Variants in AHNAK observed in about 807,000 individuals in gnomAD.
The protein encoded by AHNAK is neuroblast differentiation-associated protein AHNAK.
Under a neutral mutation model 37.8 loss-of-function variants are expected in AHNAK, and 23 were observed. The observed-to-expected ratio is 0.61, with a 90% confidence interval of 0.44 to 0.86. The LOEUF is 0.86. Among genes scored for constraint, AHNAK ranks in the 40% least tolerant of loss-of-function variants. AHNAK has a pLI of 0.00. For synonymous variants in AHNAK, 2,481 were observed against 2,636.3 expected, an observed-to-expected ratio of 0.94 and a Z score of 1.80; for missense variants, 7,411 against 7,319.4, an observed-to-expected ratio of 1.01 and a Z score of -0.46.
At chr11:62,509,046 T>C (rs1294607679) in intron 4 of AHNAK, among the ~76,000 whole-genome samples, 1 of 152,170 alleles carries the variant, frequency 6.6e-6, no homozygotes, top group Non-Finnish European at 1.5e-5. Context: ...AACCAAGGAA[T>C]TGAAATTAAC....
intron 1 of AHNAK, chr11:62,537,432 T>C (rs1940985532): frequency 6.6e-6 from 1 of 152,072 alleles, no homozygotes; most frequent in East Asian, 1.9e-4. Flanking sequence ...AATTTTTGTA[T>C]TTTTGGAGAG....
chr11:62,496,629 T>C (rs771743579), intron 4 of AHNAK, among the ~76,000 whole-genome samples: 1 of 152,074 alleles, frequency 6.6e-6, no homozygotes, highest in Non-Finnish European at 1.5e-5. Flanking sequence ...ACCCTGTCTC[T>C]ACTAAAAGTA....
At chr11:62,442,447 CTG>C (rs1452891545) in intron 5 of AHNAK, among the ~76,000 whole-genome samples, 3 of 152,132 alleles carry the variant, frequency 2.0e-5, no homozygotes, top group Non-Finnish European at 4.4e-5. Flanking sequence ...ACTTAGGAGA[CTG>C]AGACAGGAGG....
At chr11:62,486,568 ATGGT>A (rs1939401212) in intron 5 of AHNAK, among the ~76,000 whole-genome samples, 1 of 150,124 alleles carries the variant, frequency 6.7e-6, no homozygotes, top group Admixed American at 6.7e-5. Flanking sequence ...GGGAGGGAGC[ATGGT>A]GGTTGCCGGG....
rs769520568 is a variant in AHNAK at position 62,523,201 on chromosome 11, T to G, written c.11216A>C (p.His3739Pro). The change falls in exon 5 of 5, where the codon CAC becomes CCC. Residue 3739 changes from histidine (H) to proline (P), a missense_variant. Coordinates refer to ENST00000378024, the MANE Select transcript of AHNAK (RefSeq NM_001620.3). ...CATCGATATTTTGGGAGCCTTCAGG[T>G]GCATCTCTGGTATCTTAAATTTGGG... ...KGPKFKIPEMHLKAPKISMPD... is the reference protein window; with the variant it reads ...KGPKFKIPEMPLKAPKISMPD... 1.2e-6 allele frequency: 2 copies of G among 1,613,964 alleles called. No homozygotes were observed. The highest frequency in any genetic ancestry group is 1.7e-6 in the Non-Finnish European group (2 of 1,179,988).
intron 5 of AHNAK, among the ~76,000 whole-genome samples, chr11:62,438,557 A>G (rs1938230756): frequency 6.6e-6 from 1 of 152,074 alleles, no homozygotes; most frequent in South Asian, 2.1e-4. Context: ...TTAGAAACGA[A>G]TACTTTATCA....
chr11:62,443,108 A>T (rs903280136), intron 5 of AHNAK, among the ~76,000 whole-genome samples: 3 of 150,314 alleles, frequency 2.0e-5, no homozygotes, highest in African/African-American at 7.4e-5. Context: ...AGTAGCTGGG[A>T]CTACAGGCAC....
At chr11:62,456,100 G>A (rs1195936460) in intron 5 of AHNAK, among the ~76,000 whole-genome samples, 1 of 152,084 alleles carries the variant, frequency 6.6e-6, no homozygotes, top group Non-Finnish European at 1.5e-5. Context: ...CAAGCACAGA[G>A]GCAAAAGCAT....
chr11:62,534,661 G>A (rs2134248186), intron 4 of AHNAK, among the ~76,000 whole-genome samples: 1 of 152,318 alleles, frequency 6.6e-6, no homozygotes, highest in South Asian at 2.1e-4. Flanking sequence ...GAAAAATGGT[G>A]TCTGTGAGGT....
chr11:62,490,419 T>C (rs1433764886), intron 5 of AHNAK, among the ~76,000 whole-genome samples: 5 of 152,048 alleles, frequency 3.3e-5, no homozygotes, highest in Non-Finnish European at 7.4e-5. Context: ...CAGGCTGGTC[T>C]CGAACTCCTG....
At chr11:62,479,965 A>G (rs1939232015) in intron 5 of AHNAK, among the ~76,000 whole-genome samples, 1 of 152,082 alleles carries the variant, frequency 6.6e-6, no homozygotes. Flanking sequence ...GAGGGGAGGG[A>G]GATGAGGTCC....
chr11:62,524,668 C>G lies in AHNAK; in HGVS notation c.9749G>C (p.Gly3250Ala), dbSNP rs1166176862. The G allele has an allele frequency of 6.2e-7, 1 of 1,614,168 alleles. No homozygotes were observed. Among genetic ancestry groups the G allele is most frequent in the South Asian group, 1.1e-5 (1 of 91,084 alleles). Residue 3250 changes from glycine (G) to alanine (A), a missense_variant, in exon 5 of 5, where the codon GGA becomes GCA. Gly to Ala is a moderately conservative substitution (Grantham distance 60). Transcript: ENST00000378024. Reference sequence around the variant, plus strand: ...TGGGCCTTTTATGTCAAGAGCAGGTCCTTTCAAATCACCTTCTACATTTGC... The same window carrying G: ...TGGGCCTTTTATGTCAAGAGCAGGTGCTTTCAAATCACCTTCTACATTTGC... ...SLANVEGDLK[G>A]PALDIKGPKI...
Position 62,526,296 on chromosome 11 carries a change from G to A in AHNAK, c.8121C>T (p.Ile2707=). Residue 2707 remains isoleucine, a synonymous_variant, in exon 5 of 5, where the codon ATC becomes ATT. Transcript: ENST00000378024. ...MPEMNIKAPK[I]SMPDIDLNLK... The stretch of plus-strand genomic sequence containing the variant: ...GGTTTAAGTCAATATCAGGCATGGA[G>A]ATCTTGGGGGCTTTGATATTCATCT... 6.2e-7 allele frequency: 1 copy of A among 1,613,736 alleles called. No individual in the cohort carries two copies. Among genetic ancestry groups the A allele is most frequent in the South Asian group, 1.1e-5 (1 of 91,058 alleles).
In AHNAK at chr11:62,524,259, A is replaced by G; in HGVS notation, c.10158T>C (p.Asp3386=). ...GGACCTCGACATCAGGAGCATTAAT[A>G]TCAACTTTTGGACCTGTTATGTCAA... ...PDIDITGPKV[D]INAPDVEVQG... The change falls in exon 5 of 5, where the codon GAT becomes GAC. Residue 3386 remains aspartate (D), a synonymous_variant. Transcript: ENST00000378024. 1 of 1,613,624 alleles carries G rather than the reference A, an allele frequency of 6.2e-7. No homozygotes were observed. Among genetic ancestry groups the G allele is most frequent in the Non-Finnish European group, 8.5e-7 (1 of 1,179,868 alleles).
At chr11:62,503,421 A>G (rs764769680) in intron 4 of AHNAK, among the ~76,000 whole-genome samples, 96 of 152,058 alleles carry the variant, frequency 6.3e-4, no homozygotes, top group Admixed American at 1.4e-3. Context: ...CCCTGTCTCT[A>G]CTAAAAGAAA....
At chr11:62,492,949 C>A (rs1236312315) in intron 4 of AHNAK, among the ~76,000 whole-genome samples, 1 of 145,716 alleles carries the variant, frequency 6.9e-6, no homozygotes, top group Non-Finnish European at 1.5e-5. Flanking sequence ...TGAATCGGGA[C>A]CTTCAGTTTC....
Position 62,518,011 on chromosome 11 carries a change from C to T in AHNAK, c.16406G>A (p.Gly5469Asp). 3 of 1,614,198 alleles carry T rather than the reference C, an allele frequency of 1.9e-6. No individual in the cohort carries two copies. The highest frequency in any genetic ancestry group is 2.5e-6 in the Non-Finnish European group (3 of 1,180,046). ...TCCGACAGTGGGGCCTTTGATCTCA[C>T]CAGTGGCCCCAAGGCTCCCTTTCAC... ...PKVKGSLGAT[G>D]EIKGPTVGGG... The change falls in exon 5 of 5, where the codon GGT becomes GAT. Residue 5469 changes from glycine (G) to aspartate (D), a missense_variant. Coordinates refer to ENST00000378024, the MANE Select transcript of AHNAK (RefSeq NM_001620.3).
At chr11:62,472,641 C>T (rs1939056593) in intron 5 of AHNAK, among the ~76,000 whole-genome samples, 1 of 152,066 alleles carries the variant, frequency 6.6e-6, no homozygotes, top group Admixed American at 6.6e-5. Context: ...ACCATCCTCT[C>T]CTATAAATTC....
At chr11:62,499,432 T>G (rs1939675202) in intron 4 of AHNAK, among the ~76,000 whole-genome samples, 1 of 152,118 alleles carries the variant, frequency 6.6e-6, no homozygotes, top group African/African-American at 2.4e-5. Context: ...GTGCCTGTAA[T>G]CTCAGCTATT....
Sources: gnomAD v4.1 joint callset for allele counts (sites outside exome capture counted in the v4.1 genomes callset) on GRCh38, gnomAD v4.1.1 for gene constraint, MANE v1.5 for transcripts, NCBI Gene and HGNC (gene_info 2026-07-23, HGNC 2026-07-21) for gene names.